Variants in SEC14L1 observed in about 807,000 individuals in gnomAD.
SEC14L1 encodes the protein SEC14-like protein 1.
A neutral mutation model predicts 85.3 loss-of-function variants in SEC14L1; 48 were observed. The observed-to-expected ratio is 0.56, with a 90% CI of 0.45 to 0.72. SEC14L1 has a LOEUF of 0.72. Ranked by LOEUF, SEC14L1 falls within the 30% of genes least tolerant of loss-of-function variation. The pLI, the probability that SEC14L1 is intolerant of heterozygous loss-of-function variation, is 0.00. For missense variants in SEC14L1, 682 were observed against 921.4 expected (o/e 0.74, Z 3.36); for synonymous variants, 391 against 355.5 (o/e 1.10, Z -1.12).
Position 77,198,648 on chromosome 17 carries a change from C to T in SEC14L1, c.820-1836C>T, listed in dbSNP as rs541672837. ...GGAGTGCAGTGGCGCGATCTCGGCT[C>T]ACTGCAAGATCCGCCTCCTGGGTTC... On this transcript the variant is annotated intron_variant, in intron 8 of 16. Transcript: ENST00000436233. Among the ~76,000 whole-genome samples, 7 of 151,474 alleles carry T rather than the reference C, an allele frequency of 4.6e-5. No individual in the cohort carries two copies. In the East Asian group the frequency reaches 9.8e-4, roughly 21 times the overall value.
At chr17:77,154,657 T>A (rs1374537246) in intron 3 of SEC14L1, among the ~76,000 whole-genome samples, 5 of 151,958 alleles carry the variant, frequency 3.3e-5, no homozygotes, top group Non-Finnish European at 5.9e-5. Flanking sequence ...GGTTTTTTTT[T>A]AAGAAAAGTC....
chr17:77,146,748 C>G (rs1301650015), intron 3 of SEC14L1, among the ~76,000 whole-genome samples: 1 of 152,018 alleles, frequency 6.6e-6, no homozygotes, highest in Non-Finnish European at 1.5e-5. Flanking sequence ...GTATATTCTT[C>G]CACCCTGTAG....
At chr17:77,210,295 G>A (rs749967597) in intron 14 of SEC14L1, 1 of 152,346 alleles carries the variant, frequency 6.6e-6, no homozygotes, top group Non-Finnish European at 1.5e-5. Context: ...CCGTGTTCCT[G>A]TGCATGCCAT....
chr17:77,133,383 C>A (rs1029073541), intron 3 of SEC14L1, among the ~76,000 whole-genome samples: 1 of 152,218 alleles, frequency 6.6e-6, no homozygotes. Context: ...GCCCACCTGT[C>A]GGTGCCTATG....
At chr17:77,178,591 G>A (rs1237993284) in intron 3 of SEC14L1, among the ~76,000 whole-genome samples, 1 of 152,182 alleles carries the variant, frequency 6.6e-6, no homozygotes, top group Admixed American at 6.5e-5. Context: ...TCCACGGATT[G>A]TGGGGTGAAG....
intron 3 of SEC14L1, among the ~76,000 whole-genome samples, chr17:77,111,396 G>GT (rs547141080): frequency 0.17 from 24,225 of 140,588 alleles, 2,678 homozygotes; most frequent in African/African-American, 0.33. Context: ...CTTTTGAAGT[G>GT]TTTTTTTTTT....
chr17:77,098,088 G>A (rs1049124748), intron 3 of SEC14L1, among the ~76,000 whole-genome samples: 4 of 152,212 alleles, frequency 2.6e-5, no homozygotes, highest in Non-Finnish European at 5.9e-5. Flanking sequence ...GCCTCACATG[G>A]AGGAAAGTGT....
intron 3 of SEC14L1, among the ~76,000 whole-genome samples, chr17:77,147,183 A>C (rs990498172): frequency 6.6e-6 from 1 of 152,162 alleles, no homozygotes; most frequent in African/African-American, 2.4e-5. Context: ...AGTGGGAGAA[A>C]ACGCCTCACT....
At chr17:77,172,899 A>G (rs1330862919) in intron 3 of SEC14L1, among the ~76,000 whole-genome samples, 4 of 152,116 alleles carry the variant, frequency 2.6e-5, no homozygotes, top group African/African-American at 4.8e-5. Flanking sequence ...TTACTATCCC[A>G]TTGAGGATCT....
At chr17:77,174,115 T>C (rs755572165) in intron 3 of SEC14L1, among the ~76,000 whole-genome samples, 33 of 152,122 alleles carry the variant, frequency 2.2e-4, no homozygotes, top group Non-Finnish European at 3.5e-4. Flanking sequence ...GAGATGGGGT[T>C]GCACCATGTT....
At position 77,206,405 on chromosome 17, in the gene SEC14L1, G is replaced by A; in HGVS notation, c.1341+5G>A. ...TTTCCTGTGCTCTGGACGCTGGTGG[G>A]TTGAGATGCTTTTTGCAGTAACTGT... On this transcript the variant is annotated splice_donor_5th_base_variant and intron_variant, in intron 12 of 16. Coordinates refer to ENST00000436233, the MANE Select transcript of SEC14L1 (RefSeq NM_001143998.2). The surrounding 1 kb of genome is among the most constrained non-coding windows in gnomAD (Gnocchi z 4.3). The A allele has an allele frequency of 6.2e-7, 1 of 1,611,454 alleles. No individual in the cohort carries two copies. Among genetic ancestry groups the A allele is most frequent in the Non-Finnish European group, 8.5e-7 (1 of 1,177,908 alleles).
chr17:77,197,847 C>T (rs953677887), intron 8 of SEC14L1, among the ~76,000 whole-genome samples: 1 of 152,210 alleles, frequency 6.6e-6, no homozygotes, highest in Non-Finnish European at 1.5e-5. Flanking sequence ...CTCAAGTGAT[C>T]CGCCTGCCTT....
chr17:77,103,911 C>T (rs530402707), intron 3 of SEC14L1, among the ~76,000 whole-genome samples: 28 of 151,430 alleles, frequency 1.8e-4, no homozygotes, highest in African/African-American at 6.1e-4. Flanking sequence ...CTGCTTATGA[C>T]CTGCTCCAGA....
chr17:77,124,722 T>C (rs943475072), intron 3 of SEC14L1, among the ~76,000 whole-genome samples: 4 of 152,190 alleles, frequency 2.6e-5, no homozygotes, highest in Non-Finnish European at 2.9e-5. Context: ...AGTGAGGCCA[T>C]TGGAGGCAGC....
chr17:77,153,530 CTTAT>C (rs1037173725), intron 3 of SEC14L1, among the ~76,000 whole-genome samples: 4 of 152,068 alleles, frequency 2.6e-5, no homozygotes, highest in African/African-American at 4.8e-5. Context: ...ATGGTTACTC[CTTAT>C]TTATTTATTT....
At chr17:77,182,696 CTG>C (rs1362112763) in intron 3 of SEC14L1, among the ~76,000 whole-genome samples, 3 of 152,294 alleles carry the variant, frequency 2.0e-5, no homozygotes, top group Middle Eastern at 3.4e-3. Context: ...CTGGATGACA[CTG>C]TGGATACCTG....
chr17:77,205,466 A>G (rs1012681629), intron 11 of SEC14L1, 120 bp downstream of exon 11: 31 of 860,114 alleles, frequency 3.6e-5, no homozygotes, highest in African/African-American at 3.4e-4. Context: ...AAGGTAGACA[A>G]GAAGTGAACA....
At chr17:77,140,308 C>T (rs1310929301), upstream of SEC14L1, among the ~76,000 whole-genome samples, 1 of 152,232 alleles carries the variant, frequency 6.6e-6, no homozygotes, top group Non-Finnish European at 1.5e-5. Flanking sequence ...ACACTAGAGC[C>T]GTCTGGATGT....
At chr17:77,151,649 A>G (rs1973560853) in intron 3 of SEC14L1, among the ~76,000 whole-genome samples, 1 of 152,206 alleles carries the variant, frequency 6.6e-6, no homozygotes, top group Non-Finnish European at 1.5e-5. Context: ...TCAAGCATAC[A>G]CAGGTAGAGA....
Sources: gnomAD v4.1 joint callset for allele counts (sites outside exome capture counted in the v4.1 genomes callset) on GRCh38, gnomAD v4.1.1 for gene constraint, Gnocchi (gnomAD v3.1) non-coding constraint, MANE v1.5 for transcripts, NCBI Gene and HGNC (gene_info 2026-07-23, HGNC 2026-07-21) for gene names.